TRAPPC9: variants seen among roughly 807,000 people sequenced by gnomAD.
TRAPPC9 encodes IKK2 binding protein.
Under a neutral mutation model 124.0 loss-of-function variants are expected in TRAPPC9, and 83 were observed. The ratio of observed to expected loss-of-function variants is 0.67; its 90% confidence interval spans 0.56 to 0.80. The LOEUF (loss-of-function observed/expected upper bound fraction) is 0.80, where lower values mean the gene tolerates loss of function less well. Among genes scored for constraint, TRAPPC9 ranks in the 30% least tolerant of loss-of-function variants. The pLI is 0.00. For synonymous variants in TRAPPC9, 638 were observed against 617.5 expected, an observed-to-expected ratio of 1.03 and a Z score of -0.49; for missense variants, 1,302 against 1,508.3, an observed-to-expected ratio of 0.86 and a Z score of 2.27.
At position 139,742,091 on chromosome 8, in the gene TRAPPC9, C is replaced by T. The variant is rs1277636282; in HGVS notation, c.3056-9889G>A. On this transcript the variant is annotated intron_variant, in intron 21 of 22. Coordinates refer to ENST00000438773, the MANE Select transcript of TRAPPC9 (RefSeq NM_001160372.4). The surrounding 1 kb of genome is among the most constrained non-coding windows in gnomAD (Gnocchi z 4.7). ...CTCTGTCTAATGGTTTCAGGAAGCA[C>T]CAGACTGTTTTCCAAGGCGGCTGCA... Among the ~76,000 whole-genome samples the T allele has an allele frequency of 6.6e-6, 1 of 152,200 alleles. No homozygotes were observed. The highest frequency in any genetic ancestry group is 1.5e-5 in the Non-Finnish European group (1 of 68,038).
intron 2 of TRAPPC9, among the ~76,000 whole-genome samples, chr8:140,447,094 A>T (rs1367801409): frequency 6.6e-6 from 1 of 152,140 alleles, no homozygotes; most frequent in Non-Finnish European, 1.5e-5. Context: ...GGACTTTTGC[A>T]GTTAAGCTAT....
chr8:139,956,211 G>C (rs1834974883), intron 19 of TRAPPC9, among the ~76,000 whole-genome samples: 2 of 151,882 alleles, frequency 1.3e-5, no homozygotes, highest in South Asian at 4.2e-4. Context: ...GCCTGGGCTG[G>C]AGTGCAGTGG....
rs1435669936 is a variant in TRAPPC9, at chr8:139,907,070, C to T, written c.2964+3077G>A. Among the ~76,000 whole-genome samples the T allele has an allele frequency of 6.6e-6, 1 of 152,250 alleles. No homozygotes were observed. The highest frequency in any genetic ancestry group is 6.5e-5 in the Admixed American group (1 of 15,290). ...AACGCTGCACTGCAAGTGCCCATCT[C>T]TGTATCTGTCCCCTCCCCTTTGATG... On this transcript the variant is annotated intron_variant, in intron 20 of 22. Transcript: ENST00000438773. The surrounding 1 kb of genome is among the most constrained non-coding windows in gnomAD (Gnocchi z 4.7).
chr8:140,245,293 G>A (rs1303186366), intron 16 of TRAPPC9, among the ~76,000 whole-genome samples: 2 of 151,964 alleles, frequency 1.3e-5, no homozygotes, highest in South Asian at 2.1e-4. Flanking sequence ...GTCCTCCCTC[G>A]CCCACAGGGC....
chr8:140,214,981 G>A (rs578080943), intron 17 of TRAPPC9, among the ~76,000 whole-genome samples: 14 of 152,240 alleles, frequency 9.2e-5, no homozygotes, highest in African/African-American at 3.1e-4. Context: ...CTGCTTCGGG[G>A]AGAAGGGCTC....
chr8:140,225,151 A>G (rs1238860513), intron 16 of TRAPPC9, among the ~76,000 whole-genome samples: 1 of 152,246 alleles, frequency 6.6e-6, no homozygotes, highest in African/African-American at 2.4e-5. Flanking sequence ...CTACTGCAGC[A>G]AATTATGCAT....
At chr8:139,992,823 C>A (rs562715674) in intron 18 of TRAPPC9, among the ~76,000 whole-genome samples, 1 of 151,968 alleles carries the variant, frequency 6.6e-6, no homozygotes, top group African/African-American at 2.4e-5. Flanking sequence ...ACAAGAGTCA[C>A]TGAATAGTGC....
At chr8:140,272,130 C>CGATGGTGATGGT (rs1411570320) in intron 15 of TRAPPC9, among the ~76,000 whole-genome samples, 1,398 of 100,434 alleles carry the variant, frequency 0.014, 14 homozygotes, top group Middle Eastern at 0.071. Flanking sequence ...GTGATGGTGG[C>CGATGGTGATGGT]GATGGTGATG....
chr8:140,286,330 A>G (rs2065483130), intron 13 of TRAPPC9, among the ~76,000 whole-genome samples: 1 of 152,222 alleles, frequency 6.6e-6, no homozygotes, highest in South Asian at 2.1e-4. Flanking sequence ...CTGGGCCTTG[A>G]TAACAAGGGC....
chr8:140,121,811 G>A lies in TRAPPC9; in HGVS notation c.2557-97732C>T, dbSNP rs543904918. ...TGAAAGTGATAAATACAGCAGAGTC[G>A]TGTGTCTGTAGGGCAGGCTCTTAAA... On this transcript the variant is annotated intron_variant, in intron 17 of 22. Coordinates refer to ENST00000438773, the MANE Select transcript of TRAPPC9 (RefSeq NM_001160372.4). Among the ~76,000 whole-genome samples the A allele has an allele frequency of 5.9e-5, 9 of 152,248 alleles. No homozygotes were observed. In the East Asian group the frequency reaches 9.7e-4, roughly 16 times the overall value.
intron 17 of TRAPPC9, among the ~76,000 whole-genome samples, chr8:140,200,904 T>G (rs1232721799): frequency 6.6e-6 from 1 of 152,214 alleles, no homozygotes; most frequent in Non-Finnish European, 1.5e-5. Flanking sequence ...AAAACTGATA[T>G]GAGGGATACA....
chr8:140,350,113 G>T (rs2067508943), intron 9 of TRAPPC9, among the ~76,000 whole-genome samples: 2 of 152,226 alleles, frequency 1.3e-5, no homozygotes, highest in South Asian at 4.1e-4. Context: ...GCCTTGGTTA[G>T]GAAGACGCGC....
At chr8:140,435,999 A>AC (rs1418908473) in intron 3 of TRAPPC9, among the ~76,000 whole-genome samples, 2 of 152,236 alleles carry the variant, frequency 1.3e-5, no homozygotes, top group African/African-American at 4.8e-5. Context: ...GTAGATATTT[A>AC]CCATATTGGA....
chr8:140,149,890 C>T (rs1234903151), intron 17 of TRAPPC9, among the ~76,000 whole-genome samples: 3 of 152,166 alleles, frequency 2.0e-5, no homozygotes, highest in African/African-American at 7.2e-5. Flanking sequence ...TACATACATG[C>T]ATGTACGTAT....
At chr8:140,279,186 A>ACC (rs2065225579) in intron 14 of TRAPPC9, among the ~76,000 whole-genome samples, 1 of 152,122 alleles carries the variant, frequency 6.6e-6, no homozygotes, top group Non-Finnish European at 1.5e-5. Context: ...TTGTTTTTAT[A>ACC]TTACAGGGCC....
At chr8:140,443,131 CAAA>C (rs1177286944) in intron 2 of TRAPPC9, among the ~76,000 whole-genome samples, 7 of 43,988 alleles carry the variant, frequency 1.6e-4, no homozygotes, top group Non-Finnish European at 2.5e-4. Flanking sequence ...GACTCCATCT[CAAA>C]AAAAAAAAAA....
At chr8:139,745,373 G>A (rs1375111539) in intron 21 of TRAPPC9, among the ~76,000 whole-genome samples, 7 of 152,254 alleles carry the variant, frequency 4.6e-5, no homozygotes, top group Non-Finnish European at 7.3e-5. Context: ...TCTGATCCTG[G>A]CCAGAGAGAA....
intron 17 of TRAPPC9, among the ~76,000 whole-genome samples, chr8:140,187,738 G>A (rs1047139495): frequency 2.6e-5 from 4 of 151,972 alleles, no homozygotes; most frequent in Non-Finnish European, 4.4e-5. Flanking sequence ...ACAGTGGCTC[G>A]ATCACAGCTC....
At chr8:140,048,324 G>T (rs1036990874) in intron 17 of TRAPPC9, among the ~76,000 whole-genome samples, 1 of 152,174 alleles carries the variant, frequency 6.6e-6, no homozygotes, top group African/African-American at 2.4e-5. Context: ...CTTGTACAGG[G>T]TAACACTCAG....
Sources: gnomAD v4.1 joint callset for allele counts (sites outside exome capture counted in the v4.1 genomes callset) on GRCh38, gnomAD v4.1.1 for gene constraint, Gnocchi (gnomAD v3.1) non-coding constraint, MANE v1.5 for transcripts, NCBI Gene and HGNC (gene_info 2026-07-23, HGNC 2026-07-21) for gene names.